TASP1: variants seen among roughly 807,000 people sequenced by gnomAD.
TASP1 encodes the protein taspase 1, also known as threonine aspartase 1.
Under a neutral mutation model 56.6 loss-of-function variants are expected in TASP1, and 16 were observed. The observed-to-expected ratio is 0.28, with a 90% CI of 0.19 to 0.43. TASP1 has a LOEUF of 0.43. TASP1 is among the 20% of genes least tolerant of loss of function. The pLI is 1.00. For missense variants in TASP1, 393 were observed against 511.6 expected (o/e 0.77, Z 2.24); for synonymous variants, 179 against 184.2 (o/e 0.97, Z 0.23).
intron 12 of TASP1, among the ~76,000 whole-genome samples, chr20:13,422,063 T>C (rs1261842009): frequency 6.6e-6 from 1 of 150,716 alleles, no homozygotes; most frequent in Non-Finnish European, 1.5e-5. Context: ...GCCATTCTCC[T>C]GCCTCAGCCT....
the TASP1 span, among the ~76,000 whole-genome samples, chr20:13,352,128 T>C: frequency 6.6e-6 from 1 of 152,150 alleles, no homozygotes; most frequent in South Asian, 2.1e-4. Context: ...AAATCAAAAA[T>C]TCATTACATG....
chr20:13,288,609 A>G, the TASP1 span: 1 of 1,613,914 alleles, frequency 6.2e-7, no homozygotes. Context: ...AACGGCAACC[A>G]GAAACGGACC....
the TASP1 span, among the ~76,000 whole-genome samples, chr20:13,356,306 T>A: frequency 6.6e-6 from 1 of 152,210 alleles, no homozygotes; most frequent in Non-Finnish European, 1.5e-5. Context: ...CAATGAACAA[T>A]AGGAGCAATT....
chr20:13,471,249 T>C (rs892512059), intron 11 of TASP1, among the ~76,000 whole-genome samples: 2 of 152,120 alleles, frequency 1.3e-5, no homozygotes, highest in African/African-American at 4.8e-5. Context: ...GCCTTTTAGC[T>C]GAATCCTGCA....
the TASP1 span, among the ~76,000 whole-genome samples, chr20:13,224,010 G>A: frequency 6.6e-6 from 1 of 152,108 alleles, no homozygotes; most frequent in Admixed American, 6.5e-5. Context: ...TAAAAGGGAA[G>A]TGGACTGAAT....
At chr20:13,292,341 AT>A in the TASP1 span, 1 of 1,381,176 alleles carries the variant, frequency 7.2e-7, no homozygotes, top group Non-Finnish European at 1.0e-6. Context: ...TTTCCATGTA[AT>A]GATGGAAAAA....
intron 13 of TASP1, among the ~76,000 whole-genome samples, chr20:13,405,777 T>C (rs6109861): frequency 0.67 from 100,698 of 150,090 alleles, 33,981 homozygotes; most frequent in Non-Finnish European, 0.69. Flanking sequence ...AGGATAGTCT[T>C]GATCTCCTGA....
chr20:13,323,747 T>C, the TASP1 span, among the ~76,000 whole-genome samples: 14 of 151,998 alleles, frequency 9.2e-5, no homozygotes, highest in African/African-American at 3.4e-4. Flanking sequence ...TATTTAGTAT[T>C]TATCTTGGAA....
At chr20:13,183,219 A>G in the TASP1 span, among the ~76,000 whole-genome samples, 1 of 152,228 alleles carries the variant, frequency 6.6e-6, no homozygotes, top group African/African-American at 2.4e-5. Context: ...ACAAAACAGA[A>G]GTGGACTGAC....
chr20:13,365,088 C>T, the TASP1 span, among the ~76,000 whole-genome samples: 125 of 152,238 alleles, frequency 8.2e-4, no homozygotes, highest in African/African-American at 2.9e-3. Flanking sequence ...ATATCTTTGT[C>T]TCTTATTTTC....
the TASP1 span, among the ~76,000 whole-genome samples, chr20:13,190,646 G>A: frequency 6.6e-5 from 10 of 152,132 alleles, no homozygotes; most frequent in South Asian, 2.1e-3. Context: ...GAAAACATTG[G>A]GTAAACACTT....
At chr20:13,237,735 T>C in the TASP1 span, 2 of 152,336 alleles carry the variant, frequency 1.3e-5, no homozygotes, top group South Asian at 4.1e-4. Flanking sequence ...GAGTAAAGAA[T>C]GCAGCAGGCA....
chr20:13,255,408 A>G, the TASP1 span, among the ~76,000 whole-genome samples: 1 of 152,238 alleles, frequency 6.6e-6, no homozygotes, highest in Non-Finnish European at 1.5e-5. Flanking sequence ...TTAGCCAGAA[A>G]CTGGACAAAA....
At chr20:13,126,157 G>A in the TASP1 span, among the ~76,000 whole-genome samples, 1 of 152,154 alleles carries the variant, frequency 6.6e-6, no homozygotes, top group African/African-American at 2.4e-5. Context: ...GCATGTCCTA[G>A]TTTGCATGGA....
chr20:13,211,920 C>T, the TASP1 span, among the ~76,000 whole-genome samples: 4 of 152,020 alleles, frequency 2.6e-5, no homozygotes, highest in African/African-American at 9.7e-5. Flanking sequence ...CTTCTTGTGG[C>T]ACGAAGTTGA....
chr20:13,279,645 G>A, the TASP1 span: 71 of 1,613,458 alleles, frequency 4.4e-5, no homozygotes, highest in African/African-American at 1.1e-4. Context: ...TCACCATAGA[G>A]GTGGTCGACG....
the TASP1 span, among the ~76,000 whole-genome samples, chr20:13,140,422 T>C: frequency 0.018 from 2,765 of 152,290 alleles, 54 homozygotes; most frequent in South Asian, 0.03. Context: ...CACCCAGCCC[T>C]TGAGTAACTA....
the TASP1 span, among the ~76,000 whole-genome samples, chr20:13,322,912 C>G: frequency 9.9e-5 from 15 of 152,194 alleles, no homozygotes; most frequent in Admixed American, 2.6e-4. Flanking sequence ...CATCTGAACT[C>G]TCTTAACATT....
the TASP1 span, among the ~76,000 whole-genome samples, chr20:13,331,063 C>CT: frequency 1.3e-5 from 2 of 152,042 alleles, no homozygotes; most frequent in Non-Finnish European, 2.9e-5. Flanking sequence ...TTGTTTTGCT[C>CT]TTTTTTTCTT....
Sources: allele counts gnomAD v4.1 joint callset (sites outside exome capture counted in the v4.1 genomes callset), GRCh38; gene constraint gnomAD v4.1.1; transcripts MANE v1.5; gene names NCBI Gene and HGNC (gene_info 2026-07-23, HGNC 2026-07-21).